Variants in ARHGAP10 observed in about 807,000 individuals in gnomAD.
ARHGAP10 encodes the protein rho GTPase-activating protein 10.
Under a neutral mutation model 108.6 loss-of-function variants are expected in ARHGAP10, and 87 were observed. The ratio of observed to expected loss-of-function variants is 0.80; its 90% CI spans 0.67 to 0.96. The LOEUF (loss-of-function observed/expected upper bound fraction) is 0.96. Among genes scored for constraint, ARHGAP10 ranks in the 40% least tolerant of loss-of-function variants. The pLI, the probability that ARHGAP10 is intolerant of heterozygous loss-of-function variation, is 0.00. For synonymous variants in ARHGAP10, 347 were observed against 341.1 expected (o/e 1.02, Z -0.19); for missense variants, 939 against 954.5 (o/e 0.98, Z 0.21).
chr4:147,800,669 A>G (rs1316022245), intron 1 of ARHGAP10, among the ~76,000 whole-genome samples: 3 of 152,160 alleles, frequency 2.0e-5, no homozygotes, highest in African/African-American at 4.8e-5. Flanking sequence ...TGGGGTCACA[A>G]ACTGGTTTGT....
chr4:148,013,464 G>A (rs1211021406), intron 18 of ARHGAP10, among the ~76,000 whole-genome samples: 1 of 152,168 alleles, frequency 6.6e-6, no homozygotes, highest in Non-Finnish European at 1.5e-5. Flanking sequence ...TGGGGCAGGT[G>A]GATCATGAGG....
At chr4:147,926,928 G>A (rs1737485226) in intron 13 of ARHGAP10, among the ~76,000 whole-genome samples, 1 of 152,066 alleles carries the variant, frequency 6.6e-6, no homozygotes, top group Non-Finnish European at 1.5e-5. Context: ...TTTCTTAGGT[G>A]TTATTTTCTC....
rs936017664 is a variant in ARHGAP10, at chr4:147,943,985, G to C, written c.1304-2632G>C. On this transcript the variant is annotated intron_variant, in intron 14 of 22. Coordinates refer to ENST00000336498, the MANE Select transcript of ARHGAP10 (RefSeq NM_024605.4). ...AGACAGAATATGATTCTCAAAATACGGAATCATAATTTGGTAGAAAGCTGG... is the reference window on the plus strand; with the variant it reads ...AGACAGAATATGATTCTCAAAATACCGAATCATAATTTGGTAGAAAGCTGG... 3.3e-5 allele frequency among the ~76,000 whole-genome samples: 5 copies of C among 152,224 alleles called. No individual in the cohort carries two copies. In the South Asian group the frequency reaches 1.0e-3, roughly 32 times the overall value.
At chr4:147,940,158 C>T (rs774296261) in intron 14 of ARHGAP10, among the ~76,000 whole-genome samples, 16 of 152,220 alleles carry the variant, frequency 1.1e-4, no homozygotes, top group Non-Finnish European at 1.5e-4. Context: ...GCTTGCTTCT[C>T]ACAGGGAAGT....
At chr4:147,807,437 A>G (rs1020566135) in intron 1 of ARHGAP10, among the ~76,000 whole-genome samples, 1 of 152,076 alleles carries the variant, frequency 6.6e-6, no homozygotes, top group African/African-American at 2.4e-5. Flanking sequence ...ATATTCCAGA[A>G]TTATTTTTTT....
intron 13 of ARHGAP10, among the ~76,000 whole-genome samples, chr4:147,919,221 CAA>C (rs1414068474): frequency 6.6e-6 from 1 of 152,122 alleles, no homozygotes; most frequent in East Asian, 1.9e-4. Context: ...TCTTAAATAA[CAA>C]ATAATAAATA....
At chr4:147,860,214 G>C (rs1459376071) in intron 5 of ARHGAP10, among the ~76,000 whole-genome samples, 1 of 152,192 alleles carries the variant, frequency 6.6e-6, no homozygotes, top group South Asian at 2.1e-4. Context: ...AGGCCGAGGC[G>C]GGTGGATCAC....
intron 10 of ARHGAP10, among the ~76,000 whole-genome samples, chr4:147,883,261 A>C (rs913368300): frequency 1.3e-5 from 2 of 152,216 alleles, no homozygotes; most frequent in African/African-American, 4.8e-5. Flanking sequence ...GGGTCTTGCT[A>C]TGTTGCCCAA....
Position 148,023,323 on chromosome 4 carries a change from C to T in ARHGAP10, c.1777C>T (p.Pro593Ser), listed in dbSNP as rs758356862. ...GCCCACCTGCCTGTCAGCATCACCCCCAAATGCGCCACCAAGGCAGTCGAA... is the reference window on the plus strand; with the variant it reads ...GCCCACCTGCCTGTCAGCATCACCCTCAAATGCGCCACCAAGGCAGTCGAA... ...PEPTCLSASP[P>S]NAPPRQSKRQ... The change falls in exon 19 of 23, where the codon CCA becomes TCA. Residue 593 changes from proline (P) to serine (S), a missense_variant. Transcript: ENST00000336498. The T allele has an allele frequency of 3.1e-6, 5 of 1,614,080 alleles. No homozygotes were observed. The South Asian group carries it at 5.5e-5, about 18-fold the overall frequency.
intron 3 of ARHGAP10, among the ~76,000 whole-genome samples, chr4:147,842,266 G>T (rs1443883346): frequency 1.3e-5 from 2 of 152,124 alleles, no homozygotes; most frequent in Non-Finnish European, 2.9e-5. Flanking sequence ...TTCTACTCTA[G>T]TGTTAGCCTT....
At chr4:148,012,236 A>C (rs1346359647) in intron 18 of ARHGAP10, among the ~76,000 whole-genome samples, 1 of 152,214 alleles carries the variant, frequency 6.6e-6, no homozygotes. Flanking sequence ...GGCCTAAGTG[A>C]AGTGATACCC....
intron 13 of ARHGAP10, among the ~76,000 whole-genome samples, chr4:147,932,490 C>T (rs1737744945): frequency 3.3e-5 from 5 of 152,156 alleles, no homozygotes; most frequent in Admixed American, 2.6e-4. Context: ...GGAATGAGAT[C>T]ATGTTCTTTG....
chr4:147,994,998 T>C (rs974831605), intron 18 of ARHGAP10, among the ~76,000 whole-genome samples: 2 of 152,262 alleles, frequency 1.3e-5, no homozygotes, highest in African/African-American at 4.8e-5. Flanking sequence ...ATCGTATTAT[T>C]CTGTGGTTCC....
intron 10 of ARHGAP10, among the ~76,000 whole-genome samples, chr4:147,897,290 A>G (rs1300842316): frequency 6.6e-6 from 1 of 151,366 alleles, no homozygotes; most frequent in Non-Finnish European, 1.5e-5. Flanking sequence ...TTTTGTAGAG[A>G]TGGGGTTTTG....
At chr4:148,058,570 T>G (rs1457603390) in intron 20 of ARHGAP10, among the ~76,000 whole-genome samples, 1 of 152,160 alleles carries the variant, frequency 6.6e-6, no homozygotes, top group Non-Finnish European at 1.5e-5. Flanking sequence ...GTGTCGAGTT[T>G]TAACAGTTAA....
At chr4:147,893,032 T>C (rs1735846492) in intron 10 of ARHGAP10, among the ~76,000 whole-genome samples, 1 of 152,088 alleles carries the variant, frequency 6.6e-6, no homozygotes, top group South Asian at 2.1e-4. Context: ...TAGAGACCCC[T>C]ACAAATACTT....
chr4:147,832,579 G>A (rs1269257950), intron 3 of ARHGAP10, among the ~76,000 whole-genome samples: 1 of 124,768 alleles, frequency 8.0e-6, no homozygotes, highest in Admixed American at 1.1e-4. Flanking sequence ...CCTGGAAGGC[G>A]GAGGTTACAA....
intron 1 of ARHGAP10, among the ~76,000 whole-genome samples, chr4:147,779,636 G>A (rs1730450260): frequency 6.6e-6 from 1 of 152,108 alleles, no homozygotes; most frequent in Non-Finnish European, 1.5e-5. Context: ...GGGAGTCTGG[G>A]GAGTGGTGAT....
At chr4:147,960,165 A>G (rs557697190) in intron 16 of ARHGAP10, among the ~76,000 whole-genome samples, 1 of 152,308 alleles carries the variant, frequency 6.6e-6, no homozygotes, top group East Asian at 1.9e-4. Flanking sequence ...GAACTGGATT[A>G]TAATTTATTA....
Sources: gnomAD v4.1 joint callset for allele counts (sites outside exome capture counted in the v4.1 genomes callset) on GRCh38, gnomAD v4.1.1 for gene constraint, MANE v1.5 for transcripts, NCBI Gene and HGNC (gene_info 2026-07-23, HGNC 2026-07-21) for gene names.